The following FAM177A1 variants were observed in gnomAD, a reference collection of about 807,000 sequenced individuals.
The protein encoded by FAM177A1 is protein FAM177A1.
In FAM177A1, 22 loss-of-function variants were observed where a neutral mutation model predicts 26.1. The observed-to-expected ratio is 0.84, with a 90% CI of 0.60 to 1.20. The LOEUF (loss-of-function observed/expected upper bound fraction) is 1.20, where lower values mean the gene tolerates loss of function less well. Ranked by LOEUF, FAM177A1 falls within the 50% of genes most tolerant of loss-of-function variation. FAM177A1 has a pLI of 0.00. For synonymous variants in FAM177A1, 95 were observed against 99.3 expected, an observed-to-expected ratio of 0.96 and a Z score of 0.26; for missense variants, 296 against 291.1, an observed-to-expected ratio of 1.02 and a Z score of -0.12.
rs1298258640 is a variant in FAM177A1 at position 35,083,144 on chromosome 14, G to T, written c.*1916G>T. 1 of 152,594 alleles carries T rather than the reference G, an allele frequency of 6.6e-6. No individual in the cohort carries two copies. The highest frequency in any genetic ancestry group is 2.4e-5 in the African/African-American group (1 of 41,444). The allele number at this position is 152,594 out of a possible 1,614,324, so 9.5% of individuals were successfully genotyped here. On this transcript the variant is annotated 3_prime_UTR_variant, in exon 5 of 5. Transcript: ENST00000280987. ...TTGGTTATCAAGTGAAGATAGGTGTGTCTAAAAGTGATCTTCTGAATCCTG... is the reference window on the plus strand; with the variant it reads ...TTGGTTATCAAGTGAAGATAGGTGTTTCTAAAAGTGATCTTCTGAATCCTG...
intron 2 of FAM177A1, 43 bp from the exon 3 acceptor site, chr14:35,077,107 T>A: frequency 1.3e-6 from 2 of 1,490,680 alleles, no homozygotes; most frequent in Non-Finnish European, 1.9e-6. Context: ...ATATATGGAA[T>A]GAATTTAGGT....
At chr14:35,079,994 G>A (rs1301618440) in intron 4 of FAM177A1, among the ~76,000 whole-genome samples, 9 of 152,102 alleles carry the variant, frequency 5.9e-5, no homozygotes, top group Admixed American at 3.3e-4. Context: ...TCTTAACACT[G>A]TAAGCCTTGC....
chr14:35,046,454 G>T lies in FAM177A1; in HGVS notation c.-10G>T, dbSNP rs1293404320. On this transcript the variant is annotated 5_prime_UTR_variant, in exon 1 of 5. Transcript: ENST00000280987. ...CTGGCTCGGCCAGCGACTGGGCGGG[G>T]AGACCAAGGATGGAAGTGGGCTTAC... 3 of 1,549,872 alleles carry T rather than the reference G, an allele frequency of 1.9e-6. No individual in the cohort carries two copies. The highest frequency in any genetic ancestry group is 2.6e-6 in the Non-Finnish European group (3 of 1,144,786).
chr14:35,060,120 T>A (rs978756266), intron 2 of FAM177A1, among the ~76,000 whole-genome samples: 7 of 152,038 alleles, frequency 4.6e-5, no homozygotes, highest in African/African-American at 1.7e-4. Flanking sequence ...CTTACTGGCA[T>A]GCACCACCAT....
chr14:35,079,011 G>C lies in FAM177A1; in HGVS notation c.491G>C (p.Arg164Pro), dbSNP rs536518345. Residue 164 changes from arginine (R) to proline (P), a missense_variant, in exon 4 of 5, where the codon CGG (arginine) becomes CCG (proline). By Grantham distance (103) the Arg-to-Pro change is moderately radical. Coordinates refer to ENST00000280987, the MANE Select transcript of FAM177A1 (RefSeq NM_173607.5). ...KYQYAIDEYY[R>P]MKKEEEEEEE... ...CAATATGCCATTGATGAATATTATC[G>C]GATGAAGAAGGAGGTATGCCTCCTT... 1.3e-6 allele frequency: 2 copies of C among 1,553,956 alleles called. No individual in the cohort carries two copies. Among genetic ancestry groups the C allele is most frequent in the Non-Finnish European group, 1.7e-6 (2 of 1,160,836 alleles).
intron 2 of FAM177A1, chr14:35,054,539 A>G (rs1282917856): frequency 6.6e-6 from 1 of 152,188 alleles, no homozygotes; most frequent in African/African-American, 2.4e-5. Context: ...AAGACAGGCA[A>G]TAAATAAATA....
At position 35,082,675 on chromosome 14, in the gene FAM177A1, G is replaced by T. The variant is rs1377521103; in HGVS notation, c.*1447G>T. The T allele has an allele frequency of 6.6e-6, 1 of 152,054 alleles. No individual in the cohort carries two copies. Among genetic ancestry groups the T allele is most frequent in the Non-Finnish European group, 1.5e-5 (1 of 68,006 alleles). The allele number at this position is 152,054 out of a possible 1,614,324, so 9.4% of individuals were successfully genotyped here. On this transcript the variant is annotated 3_prime_UTR_variant, in exon 5 of 5. Transcript: ENST00000280987. ...TGTTTCAGAAATTTTGATCTTAAAA[G>T]CCTTTTCAGAAACTCAAAGCTTTCA...
chr14:35,068,298 C>T (rs961118250), intron 2 of FAM177A1, among the ~76,000 whole-genome samples: 1 of 152,090 alleles, frequency 6.6e-6, no homozygotes, highest in Non-Finnish European at 1.5e-5. Flanking sequence ...AGCAGGTAAC[C>T]ATAAAACTAC....
intron 2 of FAM177A1, among the ~76,000 whole-genome samples, chr14:35,060,382 G>C: frequency 6.6e-6 from 1 of 151,706 alleles, no homozygotes; most frequent in Admixed American, 6.6e-5. Context: ...TATTTTCTTA[G>C]GTCTTCAAAC....
Position 35,083,187 on chromosome 14 carries a change from G to T in FAM177A1, c.*1959G>T, listed in dbSNP as rs1368340716. The T allele has an allele frequency of 1.3e-5, 2 of 152,610 alleles. No homozygotes were observed. Among genetic ancestry groups the T allele is most frequent in the African/African-American group, 4.8e-5 (2 of 41,446 alleles). The allele number at this position is 152,610 out of a possible 1,614,324, so 9.5% of individuals were successfully genotyped here. On this transcript the variant is annotated 3_prime_UTR_variant, in exon 5 of 5. Coordinates refer to ENST00000280987, the MANE Select transcript of FAM177A1 (RefSeq NM_173607.5). ...GAATCCTGTCTCCCTAGAGGTACTA[G>T]TATCTAGAGTTTACCCAGAAAATTT...
intron 2 of FAM177A1, among the ~76,000 whole-genome samples, chr14:35,058,137 G>A (rs553874853): frequency 2.0e-4 from 31 of 151,926 alleles, no homozygotes; most frequent in Non-Finnish European, 8.8e-5. Context: ...GCAGTGACAC[G>A]ATTTCAGCTC....
intron 2 of FAM177A1, among the ~76,000 whole-genome samples, chr14:35,076,288 T>G (rs2045394439): frequency 6.6e-6 from 1 of 152,144 alleles, no homozygotes. Context: ...TCATGTCCTT[T>G]GTAAGGACAT....
chr14:35,059,795 C>T (rs1452695641), intron 2 of FAM177A1, among the ~76,000 whole-genome samples: 1 of 152,106 alleles, frequency 6.6e-6, no homozygotes, highest in Admixed American at 6.6e-5. Context: ...GATCCACCTG[C>T]CTCAGTCTCC....
intron 2 of FAM177A1, among the ~76,000 whole-genome samples, chr14:35,058,356 G>A (rs1041892104): frequency 3.3e-5 from 5 of 152,088 alleles, no homozygotes; most frequent in Admixed American, 3.3e-4. Context: ...GAGCCACCGT[G>A]TCCAGCCCCT....
At position 35,046,361 on chromosome 14, in the gene FAM177A1, T is replaced by C. The variant is rs1012024808; in HGVS notation, c.-103T>C. Reference sequence around the variant, plus strand: ...CCGCCCCTCAGGCCGGCGAGTCCCCTTCTCAGAGACTTGGCTAGGCGCGGC... The same window carrying C: ...CCGCCCCTCAGGCCGGCGAGTCCCCCTCTCAGAGACTTGGCTAGGCGCGGC... On this transcript the variant is annotated 5_prime_UTR_variant, in exon 1 of 5. Transcript: ENST00000280987. 3.8e-6 allele frequency: 5 copies of C among 1,326,186 alleles called. No homozygotes were observed. The highest frequency in any genetic ancestry group is 3.1e-5 in the African/African-American group (2 of 63,926). The allele number at this position is 1,326,186 out of a possible 1,614,324, so 82.2% of individuals were successfully genotyped here.
In FAM177A1 at chr14:35,046,404, CG is replaced by C; in HGVS notation, c.-57del. 7.2e-7 allele frequency: 1 copy of C among 1,395,448 alleles called. No individual in the cohort carries two copies. The highest frequency in any genetic ancestry group is 9.5e-7 in the Non-Finnish European group (1 of 1,058,162). 86.4% of individuals were successfully genotyped at this position (1,395,448 alleles called of 1,614,324 possible). A position where few individuals can be genotyped will look rare whatever the true frequency, so the allele number is the denominator to read the frequency against. On this transcript the variant is annotated 5_prime_UTR_variant, in exon 1 of 5. Transcript: ENST00000280987. ...GGCGCGGCGCGAGGCGGGCGCTGGGCGGGTGAGTCCCACTTCCCGACAGCCT... is the reference window on the plus strand; with the variant it reads ...GGCGCGGCGCGAGGCGGGCGCTGGGCGGTGAGTCCCACTTCCCGACAGCCT...
intron 2 of FAM177A1, among the ~76,000 whole-genome samples, chr14:35,065,899 C>T (rs2045234122): frequency 6.6e-6 from 1 of 151,876 alleles, no homozygotes. Flanking sequence ...ACCATCTTGG[C>T]CAGACTGGTC....
upstream of FAM177A1, among the ~76,000 whole-genome samples, chr14:35,045,395 A>G (rs1422681049): frequency 6.6e-6 from 1 of 152,206 alleles, no homozygotes; most frequent in Non-Finnish European, 1.5e-5. Flanking sequence ...GGGTAAGGAG[A>G]AGAACTTTGG....
intron 2 of FAM177A1, among the ~76,000 whole-genome samples, chr14:35,057,286 C>T (rs2045076524): frequency 6.6e-6 from 1 of 152,144 alleles, no homozygotes; most frequent in Non-Finnish European, 1.5e-5. Flanking sequence ...GCTTCGAACT[C>T]ATGGGCTCAA....
Sources: gnomAD v4.1 joint callset for allele counts (sites outside exome capture counted in the v4.1 genomes callset) on GRCh38, gnomAD v4.1.1 for gene constraint, MANE v1.5 for transcripts, NCBI Gene and HGNC (gene_info 2026-07-23, HGNC 2026-07-21) for gene names.